ZNF451: variants seen among roughly 807,000 people sequenced by gnomAD.
The protein encoded by ZNF451 is E3 SUMO-protein ligase ZNF451.
In ZNF451, 80 loss-of-function variants were observed where a neutral mutation model predicts 107.1. The observed-to-expected ratio is 0.75, with a 90% CI of 0.62 to 0.90. The LOEUF is 0.90. ZNF451 is among the 40% of genes least tolerant of loss of function. The pLI, the probability that ZNF451 is intolerant of heterozygous loss-of-function variation, is 0.00. For synonymous variants in ZNF451, 362 were observed against 406.5 expected (o/e 0.89, Z 1.32); for missense variants, 1,107 against 1,236.2 (o/e 0.90, Z 1.57).
At chr6:57,137,818 T>C (rs1286614554) in intron 7 of ZNF451, among the ~76,000 whole-genome samples, 2 of 152,244 alleles carry the variant, frequency 1.3e-5, no homozygotes, top group African/African-American at 4.8e-5. Flanking sequence ...GATTTATCTA[T>C]TGTGGATATT....
Position 57,134,740 on chromosome 6 carries a change from G to A in ZNF451, c.576-4G>A, listed in dbSNP as rs1831350730. 6.2e-7 allele frequency: 1 copy of A among 1,610,800 alleles called. No individual in the cohort carries two copies. ...TATTACCTCTTACCTCTTTTGCTGA[G>A]TAGGTTCGATCACTCTCCATGTGAT... On this transcript the variant is annotated splice_polypyrimidine_tract_variant and splice_region_variant and intron_variant, in intron 6 of 14. Transcript: ENST00000370706.
In ZNF451 at chr6:57,169,283, C is replaced by T. The variant is rs1439197853; in HGVS notation, c.*814C>T. The T allele has an allele frequency of 6.6e-6, 1 of 151,988 alleles. No homozygotes were observed. Among genetic ancestry groups the T allele is most frequent in the East Asian group, 1.9e-4 (1 of 5,190 alleles). 9.4% of individuals were successfully genotyped at this position (151,988 alleles called of 1,614,324 possible). On this transcript the variant is annotated 3_prime_UTR_variant, in exon 15 of 15. Coordinates refer to ENST00000370706, the MANE Select transcript of ZNF451 (RefSeq NM_001031623.3). ...ATTCTTCAAGAAATAATGTTGAAAG[C>T]CTACTCAGGAATAATCTTCCTTAAC...
chr6:57,132,999 T>G lies in ZNF451; in HGVS notation c.425-43T>G, dbSNP rs779097099. The G allele has an allele frequency of 5.6e-6, 9 of 1,606,490 alleles. No homozygotes were observed. The Admixed American group carries it at 1.2e-4, about 21-fold the overall frequency. ...TTTGATCACTAGCCCAAAGGATAAG[T>G]ATCTGAAATAATAACCTAAGAATTC... On this transcript the variant is annotated intron_variant, in intron 5 of 14. Coordinates refer to ENST00000370706, the MANE Select transcript of ZNF451 (RefSeq NM_001031623.3).
chr6:57,163,980 A>C (rs1468223928), intron 14 of ZNF451, among the ~76,000 whole-genome samples: 4 of 152,228 alleles, frequency 2.6e-5, no homozygotes, highest in Non-Finnish European at 4.4e-5. Context: ...TTCCTTTCCC[A>C]GTACAACTCT....
At chr6:57,143,900 C>T (rs1328248298) in intron 9 of ZNF451, among the ~76,000 whole-genome samples, 3 of 152,200 alleles carry the variant, frequency 2.0e-5, no homozygotes, top group African/African-American at 7.2e-5. Context: ...TTACATGTTA[C>T]AACCTCAATG....
chr6:57,154,115 A>G (rs749611620), intron 13 of ZNF451, 68 bp downstream of exon 13: 58 of 1,497,976 alleles, frequency 3.9e-5, no homozygotes, highest in Non-Finnish European at 5.3e-5. Context: ...AGAAACCAAT[A>G]AACTGCTGTC....
chr6:57,112,900 ATTTCT>A (rs764673902), intron 3 of ZNF451, among the ~76,000 whole-genome samples: 2 of 152,226 alleles, frequency 1.3e-5, no homozygotes, highest in Non-Finnish European at 1.5e-5. Context: ...AATATAAGTC[ATTTCT>A]TTATCATTAA....
chr6:57,093,372 C>T (rs1829140741), intron 2 of ZNF451, among the ~76,000 whole-genome samples: 1 of 152,166 alleles, frequency 6.6e-6, no homozygotes, highest in African/African-American at 2.4e-5. Flanking sequence ...AGTATTAATA[C>T]TTTAGCTGCA....
chr6:57,128,794 T>TA lies in ZNF451; in HGVS notation c.379dup (p.Thr127AsnfsTer23). The TA allele has an allele frequency of 6.2e-7, 1 of 1,613,262 alleles. No homozygotes were observed. Among genetic ancestry groups the TA allele is most frequent in the Non-Finnish European group, 8.5e-7 (1 of 1,179,516 alleles). On this transcript the variant is annotated frameshift_variant, in exon 5 of 15. Coordinates refer to ENST00000370706, the MANE Select transcript of ZNF451 (RefSeq NM_001031623.3). LOFTEE classifies it high-confidence loss of function. ...TGGAATTTATTCGAGGACATTCTGA[T>TA]ACAGAAGCAGCAAGACTGTGTGTGG...
At chr6:57,162,471 G>T (rs1763710739) in intron 14 of ZNF451, among the ~76,000 whole-genome samples, 1 of 152,164 alleles carries the variant, frequency 6.6e-6, no homozygotes, top group African/African-American at 2.4e-5. Flanking sequence ...ATACCTAATT[G>T]GAAGGAAGCA....
chr6:57,132,545 C>T (rs1207553446), intron 5 of ZNF451, among the ~76,000 whole-genome samples: 1 of 152,166 alleles, frequency 6.6e-6, no homozygotes, highest in Non-Finnish European at 1.5e-5. Context: ...CATTGAGAGA[C>T]CCTGTCTCTA....
chr6:57,106,226 A>G, intron 3 of ZNF451: 1 of 985,102 alleles, frequency 1.0e-6, no homozygotes, highest in Non-Finnish European at 1.2e-6. Flanking sequence ...AGATATAACT[A>G]GTTGACTGGG....
chr6:57,104,609 AAAAG>A (rs1468791154), intron 3 of ZNF451: 2 of 985,244 alleles, frequency 2.0e-6, no homozygotes, highest in Admixed American at 6.2e-5. Flanking sequence ...TGGTTAAAAA[AAAAG>A]AAAAAAAAAG....
Position 57,141,514 on chromosome 6 carries a change from A to G in ZNF451, c.856+59A>G, listed in dbSNP as rs1831758931. ...CTACTTGAATCTTTGCTGATTTATC[A>G]TACTTCTCAGATCATTCTTGAGATT... On this transcript the variant is annotated intron_variant, in intron 8 of 14. Coordinates refer to ENST00000370706, the MANE Select transcript of ZNF451 (RefSeq NM_001031623.3). The G allele has an allele frequency of 2.7e-6, 4 of 1,467,128 alleles. No individual in the cohort carries two copies. The African/African-American group carries it at 4.2e-5, about 15-fold the overall frequency. The allele number at this position is 1,467,128 out of a possible 1,614,324, so 90.9% of individuals were successfully genotyped here.
chr6:57,117,513 T>C (rs1349441176), intron 3 of ZNF451, among the ~76,000 whole-genome samples: 1 of 152,160 alleles, frequency 6.6e-6, no homozygotes, highest in Non-Finnish European at 1.5e-5. Flanking sequence ...AGATCTAAAT[T>C]AATGTTTAAA....
At chr6:57,108,912 A>T (rs992378046) in intron 3 of ZNF451, 2 of 985,300 alleles carry the variant, frequency 2.0e-6, no homozygotes, top group African/African-American at 3.5e-5. Context: ...AGCTTTAAAT[A>T]TGGACTTTTT....
At position 57,141,395 on chromosome 6, in the gene ZNF451, G is replaced by A; in HGVS notation, c.796G>A (p.Glu266Lys). 6.2e-7 allele frequency: 1 copy of A among 1,613,454 alleles called. No individual in the cohort carries two copies. Among genetic ancestry groups the A allele is most frequent in the Non-Finnish European group, 8.5e-7 (1 of 1,179,650 alleles). Residue 266 changes from glutamate (E) to lysine (K), a missense_variant, in exon 8 of 15, where the codon GAG (glutamate) becomes AAG (lysine). Transcript: ENST00000370706. ...TTGCTTCCTTCTTTTTAGCAGAAAG[G>A]AGGAGTGTTCAAAGCATATGTCTGG... ...PNCFLLFSRK[E>K]ECSKHMSGKN... is the part of the protein sequence containing the mutation.
chr6:57,113,961 G>T (rs1279632572), intron 3 of ZNF451, among the ~76,000 whole-genome samples: 5 of 152,162 alleles, frequency 3.3e-5, no homozygotes, highest in Non-Finnish European at 5.9e-5. Context: ...AGCCAGTTCT[G>T]TCTGGCATTT....
intron 9 of ZNF451, among the ~76,000 whole-genome samples, chr6:57,143,942 G>A (rs1295912094): frequency 6.6e-6 from 1 of 152,098 alleles, no homozygotes; most frequent in Non-Finnish European, 1.5e-5. Context: ...AATGAAATAA[G>A]CTAGTCACAA....
Sources: gnomAD v4.1 joint callset for allele counts (sites outside exome capture counted in the v4.1 genomes callset) on GRCh38, gnomAD v4.1.1 for gene constraint, MANE v1.5 for transcripts, NCBI Gene and HGNC (gene_info 2026-07-23, HGNC 2026-07-21) for gene names.